The following STON2 variants were observed in gnomAD, a reference collection of about 807,000 sequenced individuals.
STON2 encodes stonin 2, also known as stonin-2.
In STON2, 29 loss-of-function variants were observed where a neutral mutation model predicts 65.7. The ratio of observed to expected loss-of-function variants is 0.44; its 90% CI spans 0.33 to 0.60. The LOEUF is 0.60. STON2 is among the 20% of genes least tolerant of loss of function. The pLI is 0.03. For missense variants in STON2, 1,054 were observed against 1,118.1 expected (o/e 0.94, Z 0.82); for synonymous variants, 404 against 414.2 (o/e 0.98, Z 0.30).
At chr14:81,315,967 C>A (rs978798630) in intron 5 of STON2, among the ~76,000 whole-genome samples, 1 of 152,146 alleles carries the variant, frequency 6.6e-6, no homozygotes. Flanking sequence ...TTGGAGCAGA[C>A]CCTATATTTT....
rs77769916 is a variant in STON2, at chr14:81,338,946, G to A, written c.572-14759C>T. On this transcript the variant is annotated intron_variant, in intron 4 of 7. Coordinates refer to ENST00000614646, the MANE Select transcript of STON2 (RefSeq NM_001394390.1). ...AACCTGGACAGAAAAGCAGCATTTG[G>A]TTCCACAGCAAAGAAACGCCATAAA... is the stretch of plus-strand genomic sequence containing the variant. 3.7e-4 allele frequency among the ~76,000 whole-genome samples: 56 copies of A among 152,280 alleles called. 1 individual carries two copies. In the South Asian group the frequency reaches 9.7e-3, roughly 26 times the overall value.
chr14:81,394,535 A>G (rs1900224246), intron 3 of STON2, among the ~76,000 whole-genome samples: 1 of 152,202 alleles, frequency 6.6e-6, no homozygotes, highest in Non-Finnish European at 1.5e-5. Context: ...TGATGTGATT[A>G]TGTTAAGGAC....
chr14:81,276,966 GCAGTT>G lies in STON2; in HGVS notation c.2511_2515del (p.Thr838GlnfsTer34), dbSNP rs1188170387. ...GGAGTTGAAGGCATGCTCGTACTTG[GCAGTT>G]CCCAGAGTTACTCTCATGACAGGCT... On this transcript the variant is annotated frameshift_variant, in exon 6 of 8. Coordinates refer to ENST00000614646, the MANE Select transcript of STON2 (RefSeq NM_001394390.1). LOFTEE classifies it high-confidence loss of function. 6.2e-7 allele frequency: 1 copy of G among 1,614,050 alleles called. No individual in the cohort carries two copies. Among genetic ancestry groups the G allele is most frequent in the African/African-American group, 1.3e-5 (1 of 74,894 alleles).
intron 1 of STON2, among the ~76,000 whole-genome samples, chr14:81,433,324 C>T (rs1902289646): frequency 6.6e-6 from 1 of 152,190 alleles, no homozygotes. Flanking sequence ...TTTTAGCTCA[C>T]CTATTTCAAT....
chr14:81,397,772 C>A (rs996145842), intron 2 of STON2, among the ~76,000 whole-genome samples: 3 of 152,188 alleles, frequency 2.0e-5, no homozygotes, highest in African/African-American at 7.2e-5. Context: ...ACGTGCCAGG[C>A]ACTGCTCTAA....
chr14:81,295,551 T>C (rs17550150), intron 5 of STON2, among the ~76,000 whole-genome samples: 12,682 of 152,218 alleles, frequency 0.083, 656 homozygotes, highest in East Asian at 0.17. Flanking sequence ...AACCACAGAA[T>C]AGGGGAAAGT....
In STON2 at chr14:81,396,035, T is replaced by C. The variant is rs1900300646; in HGVS notation, c.232A>G (p.Ile78Val). Residue 78 changes from isoleucine (I) to valine (V), a missense_variant, in exon 3 of 8, where the codon ATC (isoleucine) becomes GTC (valine). Physicochemically the swap from Ile to Val is conservative, Grantham distance 29 (BLOSUM62 3). Transcript: ENST00000614646. ...QDDSSEKMGLISEAASPPGSP... is the reference protein window; with the variant it reads ...QDDSSEKMGLVSEAASPPGSP... ...CCAGGTGGGGAAGCTGCTTCAGAGA[T>C]GAGGCCCATCTTTTCAGAGGAGTCA... 2 of 1,614,158 alleles carry C rather than the reference T, an allele frequency of 1.2e-6. No homozygotes were observed. Among genetic ancestry groups the C allele is most frequent in the African/African-American group, 1.3e-5 (1 of 75,034 alleles).
At chr14:81,298,421 G>GT (rs201472918) in intron 5 of STON2, among the ~76,000 whole-genome samples, 27 of 65,056 alleles carry the variant, frequency 4.2e-4, no homozygotes, top group African/African-American at 9.1e-4. Context: ...AGATGGGGGG[G>GT]GGGAATCACA....
Position 81,278,663 on chromosome 14 carries a change from C to A in STON2, c.819G>T (p.Met273Ile). 6.5e-7 allele frequency: 1 copy of A among 1,539,260 alleles called. No individual in the cohort carries two copies. The highest frequency in any genetic ancestry group is 8.7e-7 in the Non-Finnish European group (1 of 1,144,462). The change falls in exon 6 of 8, where the codon ATG becomes ATT. Residue 273 changes from methionine to isoleucine, a missense_variant. Transcript: ENST00000614646. ...TCACTGGAGGGGCAGGGTGCCCATT[C>A]ATGGCTGGACTGCTGGCCTGCCAGC... Reference protein sequence around the residue: ...AISWQASSPAMNGHPAPPVTS... With the variant: ...AISWQASSPAINGHPAPPVTS...
chr14:81,436,267 G>A (rs113337213), intron 1 of STON2: 3,300 of 151,562 alleles, frequency 0.022, 130 homozygotes, highest in East Asian at 0.17. Flanking sequence ...CCACCTGCGG[G>A]GCCCCTCTTG....
chr14:81,395,694 A>G, intron 3 of STON2, 200 bp downstream of exon 3: 1 of 598,880 alleles, frequency 1.7e-6, no homozygotes. Context: ...TAGAACACAT[A>G]CATTCTTTTG....
At chr14:81,423,928 G>A (rs1300756386) in intron 2 of STON2, among the ~76,000 whole-genome samples, 1 of 152,198 alleles carries the variant, frequency 6.6e-6, no homozygotes, top group African/African-American at 2.4e-5. Context: ...GTTGACTGAG[G>A]CCTGGCTGCT....
chr14:81,426,096 C>A (rs1439334801), intron 2 of STON2, among the ~76,000 whole-genome samples: 2 of 152,192 alleles, frequency 1.3e-5, no homozygotes, highest in African/African-American at 4.8e-5. Context: ...TGAGCCCTCA[C>A]ACCTATGAGA....
At chr14:81,351,248 T>A (rs574445892) in intron 4 of STON2, among the ~76,000 whole-genome samples, 1 of 148,290 alleles carries the variant, frequency 6.7e-6, no homozygotes, top group East Asian at 2.0e-4. Flanking sequence ...ATGGGAAATG[T>A]AGCTTTACAA....
At chr14:81,416,988 G>A (rs1901468737) in intron 2 of STON2, among the ~76,000 whole-genome samples, 1 of 152,150 alleles carries the variant, frequency 6.6e-6, no homozygotes, top group Non-Finnish European at 1.5e-5. Context: ...GATCTGTCTA[G>A]AAAAACATAG....
At chr14:81,340,208 A>T (rs1379178226) in intron 4 of STON2, among the ~76,000 whole-genome samples, 3 of 152,020 alleles carry the variant, frequency 2.0e-5, no homozygotes, top group Non-Finnish European at 4.4e-5. Context: ...TAAAGAACCC[A>T]CTCAATGAGT....
In STON2 at chr14:81,266,806, CCACACACATAAA is replaced by C; in HGVS notation, c.*1596_*1607del. 1 of 894,238 alleles carries C rather than the reference CCACACACATAAA, an allele frequency of 1.1e-6. No individual in the cohort carries two copies. Among genetic ancestry groups the C allele is most frequent in the Non-Finnish European group, 1.3e-6 (1 of 792,200 alleles). 55.4% of individuals were successfully genotyped at this position (894,238 alleles called of 1,614,324 possible). On this transcript the variant is annotated 3_prime_UTR_variant, in exon 8 of 8. Coordinates refer to ENST00000614646, the MANE Select transcript of STON2 (RefSeq NM_001394390.1). Reference sequence around the variant, plus strand: ...CTTCCTAACACCGTTCCCATCAACACCACACACATAAACACACACAAACACACACATCCACAA... The same window carrying C: ...CTTCCTAACACCGTTCCCATCAACACCACACACAAACACACACATCCACAA...
In STON2 at chr14:81,261,817, C is replaced by A. The variant is rs1281791339; in HGVS notation, c.*6597G>T. 1.3e-6 allele frequency: 2 copies of A among 1,530,636 alleles called. No homozygotes were observed. The highest frequency in any genetic ancestry group is 2.4e-5 in the East Asian group (1 of 40,822). The allele number at this position is 1,530,636 out of a possible 1,614,324, so 94.8% of individuals were successfully genotyped here. On this transcript the variant is annotated 3_prime_UTR_variant, in exon 8 of 8. Transcript: ENST00000614646. Reference sequence around the variant, plus strand: ...GTTCTGATAGATGATGCCAGTGGAACTTCCAAAGAAGCATTCCACCTGATC... The same window carrying A: ...GTTCTGATAGATGATGCCAGTGGAAATTCCAAAGAAGCATTCCACCTGATC...
At chr14:81,309,326 A>G (rs1896332889) in intron 5 of STON2, among the ~76,000 whole-genome samples, 2 of 152,206 alleles carry the variant, frequency 1.3e-5, no homozygotes, top group Non-Finnish European at 1.5e-5. Context: ...TAATCTATAA[A>G]GAAAAAAATT....
Sources: allele counts gnomAD v4.1 joint callset (sites outside exome capture counted in the v4.1 genomes callset), GRCh38; gene constraint gnomAD v4.1.1; transcripts MANE v1.5; gene names NCBI Gene and HGNC (gene_info 2026-07-23, HGNC 2026-07-21).